The following TTN variants were observed in gnomAD, a reference collection of about 807,000 sequenced individuals.
TTN encodes titin, also known as connectin.
In TTN, 1,525 loss-of-function variants were observed where a neutral mutation model predicts 3,223.0. The observed-to-expected ratio is 0.47, with a 90% CI of 0.45 to 0.49. The LOEUF is 0.49. Among genes scored for constraint, TTN ranks in the 20% least tolerant of loss-of-function variants. The pLI, the probability that TTN is intolerant of heterozygous loss-of-function variation, is 0.00. For synonymous variants in TTN, 14,094 were observed against 15,161.0 expected (o/e 0.93, Z 5.17); for missense variants, 40,786 against 43,424.0 (o/e 0.94, Z 5.40).
chr2:178,551,095 C>T lies in TTN; in HGVS notation c.91436G>A (p.Cys30479Tyr). ...ACTGAGTCCTGTAACTGTGTACTGA[C>T]ATTCACTGACGTCAGTAAAGTTGCA... ...VRCNFTDVSE[C>Y]QYTVTGLSPG... is the part of the protein sequence containing the mutation. Residue 30479 changes from cysteine to tyrosine, a missense_variant, in exon 336 of 363, where the codon TGT becomes TAT. Coordinates refer to ENST00000589042, the MANE Select transcript of TTN (RefSeq NM_001267550.2). The T allele has an allele frequency of 2.5e-6, 4 of 1,613,410 alleles. No homozygotes were observed. Among genetic ancestry groups the T allele is most frequent in the Non-Finnish European group, 3.4e-6 (4 of 1,179,630 alleles).
At position 178,667,529 on chromosome 2, in the gene TTN, A is replaced by G; in HGVS notation, c.35630-4T>C. On this transcript the variant is annotated splice_region_variant and splice_polypyrimidine_tract_variant and intron_variant, in intron 160 of 362. Transcript: ENST00000589042. ...ACTTTCTTGGGTGGCTCAGGCACTT[A>G]AAAGATATGAGTATAGTTATATTTA... 6.3e-7 allele frequency: 1 copy of G among 1,595,588 alleles called. No individual in the cohort carries two copies. Among genetic ancestry groups the G allele is most frequent in the Non-Finnish European group, 8.5e-7 (1 of 1,178,092 alleles).
chr2:178,645,781 G>T, intron 217 of TTN, 139 bp downstream of exon 217: 1 of 503,230 alleles, frequency 2.0e-6, no homozygotes, highest in South Asian at 4.0e-5. Flanking sequence ...AGAAGAGACA[G>T]CTCTATGCAA....
chr2:178,601,148 G>GT lies in TTN; in HGVS notation c.55755dup (p.Leu18586ThrfsTer21), dbSNP rs2154192678. 6.5e-7 allele frequency: 1 copy of GT among 1,544,388 alleles called. No homozygotes were observed. Among genetic ancestry groups the GT allele is most frequent in the Non-Finnish European group, 8.7e-7 (1 of 1,149,486 alleles). ...TTCTTTGTGATGAGGCCAATCTTGA[G>GT]TTTAATAGGAGGATCAGGAGGATCT... is the stretch of plus-strand genomic sequence containing the variant. On this transcript the variant is annotated frameshift_variant, in exon 288 of 363. Coordinates refer to ENST00000589042, the MANE Select transcript of TTN (RefSeq NM_001267550.2). LOFTEE classifies it high-confidence loss of function.
chr2:178,622,565 TG>T, intron 243 of TTN, 104 bp downstream of exon 243: 1 of 794,010 alleles, frequency 1.3e-6, no homozygotes, highest in South Asian at 1.7e-5. Context: ...AGTAAAGTGG[TG>T]ACCAGAGAAG....
rs754759596 is a variant in TTN, at chr2:178,552,475, G to A, written c.90425C>T (p.Thr30142Ile). The change falls in exon 335 of 363, where the codon ACT (threonine) becomes ATT (isoleucine). Residue 30142 changes from threonine (T) to isoleucine (I), a missense_variant. By Grantham distance (89) the Thr-to-Ile change is moderately conservative. Transcript: ENST00000589042. The part of the protein sequence containing the change: ...DLSDIPGAQV[T>I]VRIGHNVHLE... ...GTGCACATTGTGCCCAATTCTCACA[G>A]TGACTTGTGCCCCAGGGATATCTGA... 6.2e-7 allele frequency: 1 copy of A among 1,610,822 alleles called. No individual in the cohort carries two copies. Among genetic ancestry groups the A allele is most frequent in the Non-Finnish European group, 8.5e-7 (1 of 1,177,488 alleles).
At chr2:178,615,598 C>G (rs761390225) in intron 258 of TTN, 43 bp downstream of exon 258, 8 of 1,610,486 alleles carry the variant, frequency 5.0e-6, no homozygotes, top group Non-Finnish European at 5.9e-6. Flanking sequence ...AAAGCAAAAA[C>G]AGGCAACAAG....
Position 178,779,093 on chromosome 2 carries a change from C to T in TTN, c.3989G>A (p.Arg1330His), listed in dbSNP as rs761402128. 4.1e-5 allele frequency: 66 copies of T among 1,613,664 alleles called. No homozygotes were observed. Among genetic ancestry groups the T allele is most frequent in the East Asian group, 8.9e-5 (4 of 44,826 alleles). ...PKIAWYKDGK[R>H]IKHGERYQMD... ...TTGGTATCTTTCTCCATGTTTGATG[C>T]GCTTGCCATCTTTGTACCAAGCAAT... is the stretch of plus-strand genomic sequence containing the variant. The change falls in exon 24 of 363, where the codon CGC becomes CAC. Residue 1330 changes from arginine (R) to histidine (H), a missense_variant. Transcript: ENST00000589042.
Position 178,756,725 on chromosome 2 carries a change from G to A in TTN, c.10751C>T (p.Ser3584Phe), listed in dbSNP as rs1363929305. Residue 3584 changes from serine (S) to phenylalanine (F), a missense_variant, in exon 46 of 363, where the codon TCC (serine) becomes TTC (phenylalanine). Physicochemically the swap from Ser to Phe is radical, Grantham distance 155 (BLOSUM62 -2). Coordinates refer to ENST00000589042, the MANE Select transcript of TTN (RefSeq NM_001267550.2). ...TTTGCTCTCCTCCTTTGTGAAAGAG[G>A]AATCTGCCACTGCCTGGGACTTGGT... ...ESTKSQAVADSSFTKEESKIS... is the reference protein window; with the variant it reads ...ESTKSQAVADFSFTKEESKIS... 1.2e-6 allele frequency: 2 copies of A among 1,613,658 alleles called. No homozygotes were observed. Among genetic ancestry groups the A allele is most frequent in the Non-Finnish European group, 1.7e-6 (2 of 1,179,808 alleles).
At chr2:178,613,720 C>A (rs2056773316) in intron 263 of TTN, 31 bp downstream of exon 263, 2 of 1,603,268 alleles carry the variant, frequency 1.2e-6, no homozygotes, top group East Asian at 4.5e-5. Context: ...ATACTGCTGT[C>A]TTAACATCTT....
rs548015673 is a variant in TTN at position 178,730,363 on chromosome 2, A to G, written c.18037T>C (p.Tyr6013His). The G allele has an allele frequency of 1.2e-4, 188 of 1,595,858 alleles. No individual in the cohort carries two copies. The highest frequency in any genetic ancestry group is 1.6e-4 in the Non-Finnish European group (183 of 1,170,774). Residue 6013 changes from tyrosine (Y) to histidine (H), a missense_variant, in exon 62 of 363, where the codon TAC becomes CAC. By Grantham distance (83) the Tyr-to-His change is moderately conservative. Transcript: ENST00000589042. ...SGHLTVKEPPYFVEKPQSQDV... is the reference protein window; with the variant it reads ...SGHLTVKEPPHFVEKPQSQDV... ...TGTGACTGTGGCTTTTCCACAAAGT[A>G]AGGGGGTTCTGAGGTGAAAGAAAAA...
In TTN at chr2:178,688,105, G is replaced by T. The variant is rs762748447; in HGVS notation, c.32311+6C>A. On this transcript the variant is annotated splice_donor_region_variant and intron_variant, in intron 127 of 362. Transcript: ENST00000589042. Reference sequence around the variant, plus strand: ...AGATCATCTCTAGCTTATTTGCATTGTTTACCTTCATATTCTGTAACCTCT... The same window carrying T: ...AGATCATCTCTAGCTTATTTGCATTTTTTACCTTCATATTCTGTAACCTCT... 1.9e-6 allele frequency: 3 copies of T among 1,609,640 alleles called. No homozygotes were observed. The highest frequency in any genetic ancestry group is 2.5e-6 in the Non-Finnish European group (3 of 1,177,210).
intron 151 of TTN, 143 bp downstream of exon 151, chr2:178,674,171 A>G (rs1303627481): frequency 9.8e-6 from 6 of 611,254 alleles, no homozygotes; most frequent in African/African-American, 9.5e-5. Flanking sequence ...GGACACATAG[A>G]TTCAGGTGCC....
intron 18 of TTN, 37 bp downstream of exon 18, chr2:178,782,769 G>T: frequency 6.2e-7 from 1 of 1,611,928 alleles, no homozygotes; most frequent in Non-Finnish European, 8.5e-7. Flanking sequence ...GAAAGTGATG[G>T]CATGTGCATT....
rs376305330 is a variant in TTN, at chr2:178,678,569, A to G, written c.33827-72T>C. The G allele has an allele frequency of 7.6e-6, 10 of 1,318,250 alleles. No homozygotes were observed. In the African/African-American group the frequency reaches 1.1e-4, roughly 14 times the overall value. 81.7% of individuals were successfully genotyped at this position (1,318,250 alleles called of 1,614,324 possible). ...CTGATTCCAAGCATAGTTTCAAAAG[A>G]TTAAGATAAGGTAATAAAAGTATGA... On this transcript the variant is annotated intron_variant, in intron 143 of 362. Transcript: ENST00000589042.
chr2:178,701,836 C>G (rs554561206), intron 109 of TTN, among the ~76,000 whole-genome samples: 1 of 152,018 alleles, frequency 6.6e-6, no homozygotes, highest in Non-Finnish European at 1.5e-5. Context: ...CTGAGTGAGA[C>G]CTTATTATCT....
rs1686677109 is a variant in TTN, at chr2:178,527,001, C to T, written c.*11G>A. 6.2e-7 allele frequency: 1 copy of T among 1,602,416 alleles called. No homozygotes were observed. The highest frequency in any genetic ancestry group is 1.7e-5 in the Admixed American group (1 of 59,454). On this transcript the variant is annotated 3_prime_UTR_variant, in exon 363 of 363. Coordinates refer to ENST00000589042, the MANE Select transcript of TTN (RefSeq NM_001267550.2). ...TAAGAATGAGTGTAGAGTATAAGGG[C>T]ACAGGCCCTCTTAAATGGATCGAAT...
intron 152 of TTN, among the ~76,000 whole-genome samples, chr2:178,673,354 G>A (rs965950878): frequency 6.6e-6 from 1 of 151,488 alleles, no homozygotes; most frequent in African/African-American, 2.4e-5. Flanking sequence ...TGGGGAAGAG[G>A]GATCCATTGC....
In TTN at chr2:178,795,167, T is replaced by A. The variant is rs966594851; in HGVS notation, c.1000A>T (p.Thr334Ser). The A allele has an allele frequency of 3.1e-6, 5 of 1,613,988 alleles. No individual in the cohort carries two copies. The highest frequency in any genetic ancestry group is 4.2e-6 in the Non-Finnish European group (5 of 1,180,010). ...GGCACTTCAGGACCTGTGGCCACGG[T>A]GGATGCCTGAGTCTTACGCATGAGC... ...PLLMRKTQAS[T>S]VATGPEVPPP... Residue 334 changes from threonine to serine, a missense_variant, in exon 7 of 363, where the codon ACC (threonine) becomes TCC (serine). Physicochemically the swap from Thr to Ser is moderately conservative, Grantham distance 58. Coordinates refer to ENST00000589042, the MANE Select transcript of TTN (RefSeq NM_001267550.2).
At position 178,575,333 on chromosome 2, in the gene TTN, T is replaced by C; in HGVS notation, c.70799A>G (p.Glu23600Gly). The C allele has an allele frequency of 1.2e-6, 2 of 1,613,496 alleles. No individual in the cohort carries two copies. Among genetic ancestry groups the C allele is most frequent in the Non-Finnish European group, 1.7e-6 (2 of 1,179,638 alleles). Residue 23600 changes from glutamate (E) to glycine (G), a missense_variant, in exon 326 of 363, where the codon GAA becomes GGA. Coordinates refer to ENST00000589042, the MANE Select transcript of TTN (RefSeq NM_001267550.2). The surrounding 1 kb of genome is among the most constrained non-coding windows in gnomAD (Gnocchi z 4.0). ...CACTGCCATCACTTGGAAGGTATAT[T>C]CCTCTCCTTCAGTTAGATTCCTCAC... ...CVVRNLTEGE[E>G]YTFQVMAVNS... is the part of the protein sequence containing the mutation.
Sources: gnomAD v4.1 joint callset for allele counts (sites outside exome capture counted in the v4.1 genomes callset) on GRCh38, gnomAD v4.1.1 for gene constraint, Gnocchi (gnomAD v3.1) non-coding constraint, MANE v1.5 for transcripts, NCBI Gene and HGNC (gene_info 2026-07-23, HGNC 2026-07-21) for gene names.